Variants in EBF1 observed in about 807,000 individuals in gnomAD.
EBF1 encodes the protein EBF transcription factor 1.
A neutral mutation model predicts 68.4 loss-of-function variants in EBF1; 10 were observed. The ratio of observed to expected loss-of-function variants is 0.15; its 90% CI spans 0.09 to 0.25. The LOEUF (loss-of-function observed/expected upper bound fraction) is 0.25. EBF1 is among the 10% of genes least tolerant of loss of function. EBF1 has a pLI of 1.00. For synonymous variants in EBF1, 298 were observed against 299.8 expected, an observed-to-expected ratio of 0.99 and a Z score of 0.06; for missense variants, 509 against 794.4, an observed-to-expected ratio of 0.64 and a Z score of 4.32.
Position 158,777,437 on chromosome 5 carries a change from T to C in EBF1, c.1012A>G (p.Thr338Ala). 1 of 1,612,168 alleles carries C rather than the reference T, an allele frequency of 6.2e-7. No individual in the cohort carries two copies. Among genetic ancestry groups the C allele is most frequent in the Non-Finnish European group, 8.5e-7 (1 of 1,178,896 alleles). ...CCTGTATAAATGAATCTGCCTGGTG[T>C]TCCTTTGCAGAACTGCTTAGATTTG... ...SYKSKQFCKG[T>A]PGRFIYTALN... The change falls in exon 10 of 16, where the codon ACA becomes GCA. Residue 338 changes from threonine to alanine, a missense_variant. Physicochemically the swap from Thr to Ala is moderately conservative, Grantham distance 58. Coordinates refer to ENST00000313708, the MANE Select transcript of EBF1 (RefSeq NM_024007.5).
rs1225081826 is a variant in EBF1 at position 159,099,376 on chromosome 5, C to A, written c.103G>T (p.Gly35Trp). The A allele has an allele frequency of 6.3e-7, 1 of 1,597,538 alleles. No individual in the cohort carries two copies. The stretch of plus-strand genomic sequence containing the variant: ...GCCGCCGTGTTGGCGTCCAGCACCC[C>A]GGCGCCCTGCATCCACGTCCGCACC... ...NAVRTWMQGA[G>W]VLDANTAAQS... The change falls in exon 1 of 16, where the codon GGG (glycine) becomes TGG (tryptophan). Residue 35 changes from glycine (G) to tryptophan (W), a missense_variant. Transcript: ENST00000313708.
At chr5:158,920,548 G>A (rs1808180880) in intron 6 of EBF1, among the ~76,000 whole-genome samples, 1 of 152,154 alleles carries the variant, frequency 6.6e-6, no homozygotes, top group South Asian at 2.1e-4. Context: ...AAAGGCATGT[G>A]CAGCAGGCAA....
chr5:158,816,096 A>G (rs746707112), intron 8 of EBF1, among the ~76,000 whole-genome samples: 31 of 152,364 alleles, frequency 2.0e-4, no homozygotes, highest in Non-Finnish European at 2.8e-4. Flanking sequence ...CCCTTCACCA[A>G]GATGATCTTG....
chr5:159,026,178 G>A (rs1340270198), intron 6 of EBF1, among the ~76,000 whole-genome samples: 1 of 152,056 alleles, frequency 6.6e-6, no homozygotes, highest in Admixed American at 6.5e-5. Flanking sequence ...ACTGCCCCGG[G>A]CTCAGTCTTT....
intron 15 of EBF1, among the ~76,000 whole-genome samples, chr5:158,699,749 G>T (rs1485491208): frequency 3.9e-5 from 6 of 152,314 alleles, no homozygotes; most frequent in Admixed American, 3.3e-4. Flanking sequence ...AGACAGGTTT[G>T]CATGAAACTG....
chr5:159,057,085 CTTTCTTTTCT>C (rs1281027054), intron 6 of EBF1, among the ~76,000 whole-genome samples: 1 of 145,182 alleles, frequency 6.9e-6, no homozygotes, highest in Non-Finnish European at 1.5e-5. Context: ...GTTATAATTT[CTTTCTTTTCT>C]TTTCTTTTCT....
intron 6 of EBF1, among the ~76,000 whole-genome samples, chr5:159,046,772 A>C (rs1772487674): frequency 6.6e-6 from 1 of 152,230 alleles, no homozygotes; most frequent in Non-Finnish European, 1.5e-5. Flanking sequence ...TGGCAGGATC[A>C]ACAGTGTTCT....
intron 6 of EBF1, among the ~76,000 whole-genome samples, chr5:158,864,223 CA>C (rs34498854): frequency 0.075 from 4,346 of 58,230 alleles, 73 homozygotes; most frequent in African/African-American, 0.16. Context: ...GACTCTGTCT[CA>C]AAAAAAAAAA....
In EBF1 at chr5:158,803,354, GTTT is replaced by G. The variant is rs34836103; in HGVS notation, c.779-6882_779-6880del. On this transcript the variant is annotated intron_variant, in intron 8 of 15. Coordinates refer to ENST00000313708, the MANE Select transcript of EBF1 (RefSeq NM_024007.5). ...GATCTGAATGCTTGTTTTTGCTGGT[GTTT>G]TTTTTTTTTTTTTTTCAGTGAATGA... Among the ~76,000 whole-genome samples, 564 of 133,998 alleles carry G rather than the reference GTTT, an allele frequency of 4.2e-3. 3 individuals are homozygous for G. The highest frequency in any genetic ancestry group is 9.5e-3 in the African/African-American group (341 of 35,974). 87.9% of individuals were successfully genotyped at this position (133,998 alleles called of 152,430 possible). A position where few individuals can be genotyped will look rare whatever the true frequency, so the allele number is the denominator to read the frequency against.
intron 6 of EBF1, among the ~76,000 whole-genome samples, chr5:158,911,143 C>A (rs770458629): frequency 1.3e-5 from 2 of 152,180 alleles, no homozygotes; most frequent in African/African-American, 4.8e-5. Flanking sequence ...CTTCCCTCAA[C>A]GAGTCGCCTA....
intron 9 of EBF1, among the ~76,000 whole-genome samples, chr5:158,792,324 G>C (rs534383797): frequency 1.8e-4 from 27 of 152,266 alleles, no homozygotes; most frequent in Middle Eastern, 3.4e-3. Flanking sequence ...TTGGGAGCTC[G>C]CAGAAGGCAG....
At position 158,978,835 on chromosome 5, in the gene EBF1, C is replaced by CACAGAGAG. The variant is rs753714441; in HGVS notation, c.554+94560_554+94561insCTCTCTGT. Among the ~76,000 whole-genome samples the CACAGAGAG allele has an allele frequency of 2.0e-4, 30 of 147,048 alleles. No individual in the cohort carries two copies. In the East Asian group the frequency reaches 2.6e-3, roughly 13 times the overall value. On this transcript the variant is annotated intron_variant, in intron 6 of 15. Transcript: ENST00000313708. ...ACACACACACACACACACACACACA[C>CACAGAGAG]AGAGAGAGAGTCCACAGTTCTCTTT... is the stretch of plus-strand genomic sequence containing the variant.
Position 158,696,342 on chromosome 5 carries a change from G to A in EBF1, c.*2769C>T, listed in dbSNP as rs1459007299. 2.7e-5 allele frequency: 6 copies of A among 221,692 alleles called. No homozygotes were observed. In the South Asian group the frequency reaches 5.5e-4, roughly 20 times the overall value. The allele number at this position is 221,692 out of a possible 1,614,324, so 13.7% of individuals were successfully genotyped here. A position where few individuals can be genotyped will look rare whatever the true frequency, so the allele number is the denominator to read the frequency against. The stretch of plus-strand genomic sequence containing the variant: ...AGAATGTCTTTTCATCTAATCAATA[G>A]AAATAGAAGCAACAAAACACAAATT... On this transcript the variant is annotated 3_prime_UTR_variant, in exon 16 of 16. Coordinates refer to ENST00000313708, the MANE Select transcript of EBF1 (RefSeq NM_024007.5).
At chr5:158,948,797 C>T (rs1332617594) in intron 6 of EBF1, among the ~76,000 whole-genome samples, 1 of 152,200 alleles carries the variant, frequency 6.6e-6, no homozygotes, top group South Asian at 2.1e-4. Flanking sequence ...CGATGGTTAT[C>T]GACATTAGAA....
At chr5:158,918,414 G>A (rs532763824) in intron 6 of EBF1, among the ~76,000 whole-genome samples, 2 of 152,272 alleles carry the variant, frequency 1.3e-5, no homozygotes, top group South Asian at 2.1e-4. Flanking sequence ...CTCTAATGAG[G>A]TGCACTTTTA....
At chr5:158,957,497 T>C (rs1336960019) in intron 6 of EBF1, among the ~76,000 whole-genome samples, 4 of 152,194 alleles carry the variant, frequency 2.6e-5, no homozygotes, top group Non-Finnish European at 4.4e-5. Context: ...AAACAATACG[T>C]AGCAAGTGAG....
rs540564356 is a variant in EBF1, at chr5:158,901,026, T to A, written c.555-60916A>T. 2.6e-5 allele frequency among the ~76,000 whole-genome samples: 4 copies of A among 152,326 alleles called. No homozygotes were observed. In the East Asian group the frequency reaches 7.7e-4, roughly 29 times the overall value. The stretch of plus-strand genomic sequence containing the variant: ...TGTCCCTCAGATTCTGTTTATGCTC[T>A]TCTTTTGATAATGAACTCACTGCCC... On this transcript the variant is annotated intron_variant, in intron 6 of 15. Coordinates refer to ENST00000313708, the MANE Select transcript of EBF1 (RefSeq NM_024007.5).
chr5:159,077,681 TG>T (rs1779016316), intron 5 of EBF1, among the ~76,000 whole-genome samples: 1 of 149,794 alleles, frequency 6.7e-6, no homozygotes, highest in African/African-American at 2.5e-5. Flanking sequence ...CTATAGAGAG[TG>T]GAACAGGCAG....
intron 6 of EBF1, chr5:158,983,594 A>C (rs893840281): frequency 1.3e-5 from 2 of 152,228 alleles, no homozygotes; most frequent in African/African-American, 4.8e-5. Flanking sequence ...CGACATGAAG[A>C]AGAACATGTC....
Sources: gnomAD v4.1 joint callset for allele counts (sites outside exome capture counted in the v4.1 genomes callset) on GRCh38, gnomAD v4.1.1 for gene constraint, MANE v1.5 for transcripts, NCBI Gene and HGNC (gene_info 2026-07-23, HGNC 2026-07-21) for gene names.